SV2B: variants seen among roughly 807,000 people sequenced by gnomAD.
SV2B encodes the protein solute carrier family 22 member B2.
Under a neutral mutation model 73.9 loss-of-function variants are expected in SV2B, and 41 were observed. The observed-to-expected ratio is 0.56, with a 90% CI of 0.43 to 0.72. The LOEUF (loss-of-function observed/expected upper bound fraction) is 0.72, where lower values mean the gene tolerates loss of function less well. Among genes scored for constraint, SV2B ranks in the 30% least tolerant of loss-of-function variants. SV2B has a pLI of 0.00. For synonymous variants in SV2B, 314 were observed against 314.2 expected (o/e 1.00, Z 0.01); for missense variants, 764 against 857.8 (o/e 0.89, Z 1.37).
At position 91,130,687 on chromosome 15, in the gene SV2B, C is replaced by T. The variant is rs2042614525; in HGVS notation, c.-392+30324C>T. Among the ~76,000 whole-genome samples the T allele has an allele frequency of 6.6e-6, 1 of 152,036 alleles. No homozygotes were observed. The highest frequency in any genetic ancestry group is 6.6e-5 in the Admixed American group (1 of 15,260). Reference sequence around the variant, plus strand: ...CTTGTGAGTCTTGCAGACATACTGCCTGCATGGAGGTGAGAAGAAGAGCTG... The same window carrying T: ...CTTGTGAGTCTTGCAGACATACTGCTTGCATGGAGGTGAGAAGAAGAGCTG... On this transcript the variant is annotated intron_variant, in intron 1 of 12. Transcript: ENST00000394232. The surrounding 1 kb of genome is among the most constrained non-coding windows in gnomAD (Gnocchi z 5.6).
intron 1 of SV2B, among the ~76,000 whole-genome samples, chr15:91,204,943 G>C (rs2045583435): frequency 6.6e-6 from 1 of 152,146 alleles, no homozygotes; most frequent in African/African-American, 2.4e-5. Context: ...TAGAAAACAG[G>C]TTGAAAGACC....
intron 1 of SV2B, among the ~76,000 whole-genome samples, chr15:91,173,137 G>C (rs1164807392): frequency 6.6e-6 from 1 of 152,168 alleles, no homozygotes; most frequent in East Asian, 1.9e-4. Flanking sequence ...AAAAGGCCAA[G>C]TGCTGAGAAG....
intron 1 of SV2B, among the ~76,000 whole-genome samples, chr15:91,113,250 G>A (rs1325793484): frequency 2.6e-5 from 4 of 152,192 alleles, no homozygotes; most frequent in Admixed American, 1.3e-4. Context: ...GCAAGTGGGC[G>A]TGGCCACGTA....
intron 1 of SV2B, among the ~76,000 whole-genome samples, chr15:91,153,302 A>G (rs1372165164): frequency 3.3e-5 from 5 of 152,160 alleles, no homozygotes; most frequent in Middle Eastern, 3.2e-3. Context: ...AGGATTCACT[A>G]TTGGACCACG....
intron 1 of SV2B, among the ~76,000 whole-genome samples, chr15:91,153,419 G>A (rs2043377094): frequency 6.6e-6 from 1 of 152,106 alleles, no homozygotes; most frequent in African/African-American, 2.4e-5. Flanking sequence ...ATGGAATCAG[G>A]TGCCACCACG....
Position 91,268,381 on chromosome 15 carries a change from C to A in SV2B, c.1209-60C>A. On this transcript the variant is annotated intron_variant, in intron 8 of 12. Transcript: ENST00000394232. This position sits in a 1 kb window ranked among gnomAD's most constrained non-coding sequence, Gnocchi z 4.4. Reference sequence around the variant, plus strand: ...ATCTGCATCAAGTCAAGAGTGTAGACCCTGATCATGAAAGAATGAATCCTG... The same window carrying A: ...ATCTGCATCAAGTCAAGAGTGTAGAACCTGATCATGAAAGAATGAATCCTG... 1.3e-6 allele frequency: 2 copies of A among 1,539,970 alleles called. No homozygotes were observed. Among genetic ancestry groups the A allele is most frequent in the Non-Finnish European group, 1.8e-6 (2 of 1,128,544 alleles).
At chr15:91,212,967 C>A (rs1287242207) in intron 1 of SV2B, among the ~76,000 whole-genome samples, 4 of 147,074 alleles carry the variant, frequency 2.7e-5, no homozygotes, top group African/African-American at 1.1e-4. Context: ...ATGGTGAAAC[C>A]CTGTCTCTAC....
chr15:91,176,187 A>G (rs2044301783), intron 1 of SV2B, among the ~76,000 whole-genome samples: 2 of 151,918 alleles, frequency 1.3e-5, no homozygotes, highest in Middle Eastern at 3.2e-3. Flanking sequence ...ATGATTTCTG[A>G]TTTCATCCAT....
intron 1 of SV2B, among the ~76,000 whole-genome samples, chr15:91,156,224 CT>C (rs1184456979): frequency 6.6e-6 from 1 of 152,166 alleles, no homozygotes; most frequent in Non-Finnish European, 1.5e-5. Context: ...CTTGCATTCT[CT>C]GTGCCAAATT....
In SV2B at chr15:91,295,500, T is replaced by C. The variant is rs1173197786; in HGVS notation, c.*2948T>C. The C allele has an allele frequency of 1.3e-5, 2 of 152,204 alleles. No individual in the cohort carries two copies. Among genetic ancestry groups the C allele is most frequent in the African/African-American group, 4.8e-5 (2 of 41,448 alleles). 9.4% of individuals were successfully genotyped at this position (152,204 alleles called of 1,614,324 possible). ...TTGATTGAATCAGCTGGGAGAAACATTGAGAATCGCTTCCTTCAACTTTTA... is the reference window on the plus strand; with the variant it reads ...TTGATTGAATCAGCTGGGAGAAACACTGAGAATCGCTTCCTTCAACTTTTA... On this transcript the variant is annotated 3_prime_UTR_variant, in exon 13 of 13. Coordinates refer to ENST00000394232, the MANE Select transcript of SV2B (RefSeq NM_001323032.3).
chr15:91,194,151 GAGA>G (rs994730471), intron 1 of SV2B, among the ~76,000 whole-genome samples: 1 of 151,948 alleles, frequency 6.6e-6, no homozygotes, highest in Admixed American at 6.6e-5. Flanking sequence ...GGGACCTAGA[GAGA>G]AGAAGACAGT....
chr15:91,148,591 C>T (rs182757126), intron 1 of SV2B, among the ~76,000 whole-genome samples: 3 of 152,074 alleles, frequency 2.0e-5, no homozygotes, highest in African/African-American at 4.8e-5. Context: ...GGAGAAGCCA[C>T]GTATATAGCC....
Position 91,266,552 on chromosome 15 carries a change from A to C in SV2B, c.1009-30A>C, listed in dbSNP as rs543058043. Reference sequence around the variant, plus strand: ...AAACTCTGACACAAAGTGGGGTTCAAATTCTCTATATCCTATTTTTACTTT... The same window carrying C: ...AAACTCTGACACAAAGTGGGGTTCACATTCTCTATATCCTATTTTTACTTT... On this transcript the variant is annotated intron_variant, in intron 6 of 12. Transcript: ENST00000394232. 10 of 1,566,590 alleles carry C rather than the reference A, an allele frequency of 6.4e-6. No homozygotes were observed. In the African/African-American group the frequency reaches 1.4e-4, roughly 21 times the overall value.
intron 1 of SV2B, among the ~76,000 whole-genome samples, chr15:91,164,890 G>C (rs2043854787): frequency 6.6e-6 from 1 of 152,204 alleles, no homozygotes; most frequent in Non-Finnish European, 1.5e-5. Flanking sequence ...GATTGGGATT[G>C]GATAGGACAG....
chr15:91,232,783 T>G lies in SV2B; in HGVS notation c.451+6069T>G, dbSNP rs1189032982. 6.6e-6 allele frequency among the ~76,000 whole-genome samples: 1 copy of G among 152,230 alleles called. No individual in the cohort carries two copies. The highest frequency in any genetic ancestry group is 1.5e-5 in the Non-Finnish European group (1 of 68,038). ...GTGCAGGTTTGTTACATAGATATAT[T>G]GTATGATGCTGAGGTTTGGGATACA... On this transcript the variant is annotated intron_variant, in intron 2 of 12. Transcript: ENST00000394232. This position sits in a 1 kb window ranked among gnomAD's most constrained non-coding sequence, Gnocchi z 4.7.
chr15:91,260,800 C>T (rs1596721122), intron 6 of SV2B, among the ~76,000 whole-genome samples: 1 of 152,164 alleles, frequency 6.6e-6, no homozygotes, highest in Non-Finnish European at 1.5e-5. Context: ...GCACTTCTTA[C>T]ATGGTGGTGG....
Position 91,132,179 on chromosome 15 carries a change from C to T in SV2B, c.-392+31816C>T, listed in dbSNP as rs1430982404. Among the ~76,000 whole-genome samples the T allele has an allele frequency of 1.3e-5, 2 of 152,190 alleles. No individual in the cohort carries two copies. Among genetic ancestry groups the T allele is most frequent in the Non-Finnish European group, 2.9e-5 (2 of 68,034 alleles). On this transcript the variant is annotated intron_variant, in intron 1 of 12. Transcript: ENST00000394232. The surrounding 1 kb of genome is among the most constrained non-coding windows in gnomAD (Gnocchi z 4.6). ...CCAGTGTGGCCGCAGACCCCAGCAGCGGCTCAAGAGCCCAGCTACAGAATC... is the reference window on the plus strand; with the variant it reads ...CCAGTGTGGCCGCAGACCCCAGCAGTGGCTCAAGAGCCCAGCTACAGAATC...
chr15:91,180,798 A>AT (rs907421370), intron 1 of SV2B, among the ~76,000 whole-genome samples: 17 of 152,040 alleles, frequency 1.1e-4, no homozygotes, highest in African/African-American at 4.1e-4. Flanking sequence ...ATTCATCTAA[A>AT]TTTTTTTCAA....
chr15:91,240,644 C>T lies in SV2B; in HGVS notation c.452-11175C>T, dbSNP rs118049527. Among the ~76,000 whole-genome samples, 1,385 of 152,224 alleles carry T rather than the reference C, an allele frequency of 9.1e-3. 8 individuals are homozygous for T. Among genetic ancestry groups the T allele is most frequent in the Middle Eastern group, 0.037 (11 of 294 alleles). ...TGGTAAGCTTCCCAGCATTTTTTCTCCCCAGTACTACCAGCCTTGCCACCA... is the reference window on the plus strand; with the variant it reads ...TGGTAAGCTTCCCAGCATTTTTTCTTCCCAGTACTACCAGCCTTGCCACCA... On this transcript the variant is annotated intron_variant, in intron 2 of 12. Transcript: ENST00000394232. This position sits in a 1 kb window ranked among gnomAD's most constrained non-coding sequence, Gnocchi z 4.6.
Sources: allele counts gnomAD v4.1 joint callset (sites outside exome capture counted in the v4.1 genomes callset), GRCh38; gene constraint gnomAD v4.1.1; non-coding constraint Gnocchi (gnomAD v3.1); transcripts MANE v1.5; gene names NCBI Gene and HGNC (gene_info 2026-07-23, HGNC 2026-07-21).